Variants in SVIL observed in about 807,000 individuals in gnomAD.
SVIL encodes the protein archvillin.
In SVIL, 101 loss-of-function variants were observed where a neutral mutation model predicts 240.4. The observed-to-expected ratio is 0.42, with a 90% CI of 0.36 to 0.50. SVIL has a LOEUF of 0.50. SVIL is among the 20% of genes least tolerant of loss of function. The probability of loss-of-function intolerance (pLI) is 0.01; values close to 1 mark genes in which losing one functional copy is unlikely to be tolerated. For synonymous variants in SVIL, 999 were observed against 1,100.0 expected, an observed-to-expected ratio of 0.91 and a Z score of 1.82; for missense variants, 2,512 against 2,818.7, an observed-to-expected ratio of 0.89 and a Z score of 2.46.
intron 6 of SVIL, among the ~76,000 whole-genome samples, chr10:29,538,475 G>A (rs1469672498): frequency 6.6e-6 from 1 of 152,238 alleles, no homozygotes; most frequent in Non-Finnish European, 1.5e-5. Flanking sequence ...ACTTTAAGAT[G>A]TTGTGGAAGT....
chr10:29,656,379 C>T (rs1959006070), intron 3 of SVIL, among the ~76,000 whole-genome samples: 1 of 152,092 alleles, frequency 6.6e-6, no homozygotes, highest in Non-Finnish European at 1.5e-5. Flanking sequence ...ACCCATCACT[C>T]TATCTTCTCC....
At chr10:29,643,355 A>T (rs1044271918) in intron 3 of SVIL, among the ~76,000 whole-genome samples, 11 of 152,312 alleles carry the variant, frequency 7.2e-5, no homozygotes, top group Middle Eastern at 3.4e-3. Context: ...AGGAGATGAA[A>T]AGGCTAGGCA....
Position 29,473,876 on chromosome 10 carries a change from G to T in SVIL, c.5491C>A (p.Leu1831Met). 6.2e-7 allele frequency: 1 copy of T among 1,613,990 alleles called. No homozygotes were observed. Among genetic ancestry groups the T allele is most frequent in the African/African-American group, 1.3e-5 (1 of 75,008 alleles). The stretch of plus-strand genomic sequence containing the variant: ...TCCTCGTCCAGCTCCACCGTCATCA[G>T]CGCCGACGTGCCCTTCTCACTCACG... Reference protein sequence around the residue: ...STVSEKGTSALMTVELDEERG... With the variant: ...STVSEKGTSAMMTVELDEERG... Residue 1831 changes from leucine to methionine, a missense_variant, in exon 30 of 38, where the codon CTG becomes ATG. This residue lies in a region of SVIL where 797 missense variants were observed against 925.3 expected (regional missense o/e 0.86). Coordinates refer to ENST00000355867, the MANE Select transcript of SVIL (RefSeq NM_021738.3).
intron 33 of SVIL, among the ~76,000 whole-genome samples, 179 bp downstream of exon 33, chr10:29,467,563 A>G (rs1442787789): frequency 6.6e-6 from 1 of 152,172 alleles, no homozygotes; most frequent in African/African-American, 2.4e-5. Flanking sequence ...TGAATGGGGC[A>G]CAGTGGCTCA....
rs1963158456 is a variant in SVIL at position 29,709,889 on chromosome 10, G to C, written c.-399-23238C>G. On this transcript the variant is annotated intron_variant, in intron 1 of 35. Coordinates refer to the SVIL transcript ENST00000375400. ...CCAGAGCAGGCGGTATCCCACATGGGCTAGCATGCAGCTCCTCCCCAGACT... is the reference window on the plus strand; with the variant it reads ...CCAGAGCAGGCGGTATCCCACATGGCCTAGCATGCAGCTCCTCCCCAGACT... Among the ~76,000 whole-genome samples, 3 of 152,106 alleles carry C rather than the reference G, an allele frequency of 2.0e-5. No individual in the cohort carries two copies. In the South Asian group the frequency reaches 6.2e-4, roughly 31 times the overall value.
chr10:29,699,524 C>T (rs1640426554), intron 1 of SVIL, among the ~76,000 whole-genome samples: 2 of 152,102 alleles, frequency 1.3e-5, no homozygotes. Context: ...GGCTGGTCTT[C>T]AACTCCTGAC....
chr10:29,692,891 A>G (rs1054703164), intron 1 of SVIL, among the ~76,000 whole-genome samples: 5 of 152,148 alleles, frequency 3.3e-5, no homozygotes, highest in African/African-American at 9.7e-5. Flanking sequence ...CCAAATAGCT[A>G]TGACCCATAT....
intron 2 of SVIL, among the ~76,000 whole-genome samples, chr10:29,672,635 A>C (rs2133061315): frequency 6.6e-6 from 1 of 152,272 alleles, no homozygotes; most frequent in East Asian, 1.9e-4. Context: ...AATAATGTTT[A>C]TTTCTTTCAT....
At chr10:29,458,409 C>CT (rs1417109728) in intron 37 of SVIL, 25 bp downstream of exon 37, 23 of 1,598,314 alleles carry the variant, frequency 1.4e-5, no homozygotes, top group Non-Finnish European at 2.0e-5. Context: ...ACTCCCATCC[C>CT]CACCCCACCG....
intron 1 of SVIL, among the ~76,000 whole-genome samples, chr10:29,613,251 T>C (rs1413447771): frequency 6.6e-6 from 1 of 151,524 alleles, no homozygotes; most frequent in African/African-American, 2.4e-5. Context: ...GAGAGGTTGA[T>C]AATCCCTACC....
At chr10:29,513,004 G>A (rs1311436883) in intron 16 of SVIL, 143 bp from the exon 17 acceptor site, 14 of 1,249,496 alleles carry the variant, frequency 1.1e-5, no homozygotes, top group Middle Eastern at 2.8e-4. Flanking sequence ...TCATTTATTC[G>A]GAAGACAGCA....
At chr10:29,676,415 T>C (rs920164059) in intron 2 of SVIL, among the ~76,000 whole-genome samples, 3 of 151,970 alleles carry the variant, frequency 2.0e-5, no homozygotes, top group Non-Finnish European at 2.9e-5. Context: ...CAATATAAAC[T>C]CTTTGAGAGC....
rs61846563 is a variant in SVIL at position 29,524,453 on chromosome 10, C to T, written c.2586+19G>A. On this transcript the variant is annotated intron_variant, in intron 14 of 37. Transcript: ENST00000355867. ...AGAACACACACACACAAACTGCAAT[C>T]GGACTATAGCACACCCACCTGCTCC... is the stretch of plus-strand genomic sequence containing the variant. 158,783 of 1,611,852 alleles carry T rather than the reference C, an allele frequency of 0.099. 9,587 individuals carry two copies. Among genetic ancestry groups the T allele is most frequent in the African/African-American group, 0.26 (19,421 of 74,816 alleles).
In SVIL at chr10:29,463,473, A is replaced by T. The variant is rs954673173; in HGVS notation, c.6277+19T>A. Reference sequence around the variant, plus strand: ...TCCCCATCTGTTCCGTGCTGCAGGCATGTTAGAGGGAGCCTCACCTTTGCA... The same window carrying T: ...TCCCCATCTGTTCCGTGCTGCAGGCTTGTTAGAGGGAGCCTCACCTTTGCA... On this transcript the variant is annotated intron_variant, in intron 35 of 37. Transcript: ENST00000355867. 6.2e-7 allele frequency: 1 copy of T among 1,612,082 alleles called. No homozygotes were observed. Among genetic ancestry groups the T allele is most frequent in the African/African-American group, 1.3e-5 (1 of 74,978 alleles).
At chr10:29,508,676 C>T (rs1212708772) in intron 17 of SVIL, 1 of 341,466 alleles carries the variant, frequency 2.9e-6, no homozygotes, top group Non-Finnish European at 5.8e-6. Context: ...GCAGCAGACA[C>T]TGAGCATATA....
chr10:29,477,534 C>T (rs1401145396), intron 29 of SVIL, among the ~76,000 whole-genome samples: 1 of 152,212 alleles, frequency 6.6e-6, no homozygotes, highest in Non-Finnish European at 1.5e-5. Context: ...TGCTGACCCT[C>T]TCCCAGAAGT....
intron 2 of SVIL, among the ~76,000 whole-genome samples, chr10:29,676,375 A>G (rs1960199532): frequency 9.1e-6 from 1 of 109,768 alleles, no homozygotes; most frequent in Non-Finnish European, 1.9e-5. Context: ...TGGAAAAAAA[A>G]GAGTGTGTGT....
chr10:29,723,272 T>C (rs1430145710), intron 1 of SVIL, among the ~76,000 whole-genome samples: 1 of 152,174 alleles, frequency 6.6e-6, no homozygotes, highest in Non-Finnish European at 1.5e-5. Flanking sequence ...TCTCAGTTAC[T>C]GGGAGGCTAA....
chr10:29,620,753 G>A (rs540200511), intron 1 of SVIL, among the ~76,000 whole-genome samples: 9 of 152,122 alleles, frequency 5.9e-5, no homozygotes, highest in African/African-American at 1.9e-4. Flanking sequence ...TGAGTAGCTG[G>A]GACTACAGGC....
Sources: allele counts gnomAD v4.1 joint callset (sites outside exome capture counted in the v4.1 genomes callset), GRCh38; gene constraint gnomAD v4.1.1; regional missense constraint gnomAD v4.1.1; transcripts MANE v1.5; gene names NCBI Gene and HGNC (gene_info 2026-07-23, HGNC 2026-07-21).